Variants in SLAIN2 observed in about 807,000 individuals in gnomAD.
SLAIN2 encodes the protein SLAIN family member 2.
A neutral mutation model predicts 56.6 loss-of-function variants in SLAIN2; 31 were observed. The ratio of observed to expected loss-of-function variants is 0.55; its 90% CI spans 0.41 to 0.74. The LOEUF is 0.74. SLAIN2 is among the 30% of genes least tolerant of loss of function. The pLI, the probability that SLAIN2 is intolerant of heterozygous loss-of-function variation, is 0.00. For synonymous variants in SLAIN2, 317 were observed against 284.9 expected (o/e 1.11, Z -1.13); for missense variants, 777 against 754.2 (o/e 1.03, Z -0.35).
chr4:48,401,031 C>T (rs930212895), intron 6 of SLAIN2, among the ~76,000 whole-genome samples: 2 of 152,096 alleles, frequency 1.3e-5, no homozygotes, highest in Non-Finnish European at 2.9e-5. Flanking sequence ...TTGATTTTTG[C>T]CTTAATTTCA....
intron 1 of SLAIN2, among the ~76,000 whole-genome samples, chr4:48,362,848 AG>A (rs1715370607): frequency 9.6e-6 from 1 of 104,446 alleles, no homozygotes; most frequent in Non-Finnish European, 1.9e-5. Flanking sequence ...AGTGGAGGGA[AG>A]GTCAGCAGAT....
intron 1 of SLAIN2, among the ~76,000 whole-genome samples, chr4:48,362,526 C>T (rs1458471521): frequency 6.7e-6 from 1 of 149,036 alleles, no homozygotes; most frequent in East Asian, 2.0e-4. Flanking sequence ...TCAAGCGATT[C>T]TCCTGCCTCA....
chr4:48,387,933 T>C (rs1458155184), intron 6 of SLAIN2, among the ~76,000 whole-genome samples: 1 of 152,154 alleles, frequency 6.6e-6, no homozygotes, highest in African/African-American at 2.4e-5. Context: ...TTGTGTAAAC[T>C]TCAGTTGTTA....
At position 48,369,837 on chromosome 4, in the gene SLAIN2, G is replaced by T. The variant is rs1553902698; in HGVS notation, c.390-12G>T. 1.3e-6 allele frequency: 2 copies of T among 1,598,004 alleles called. No homozygotes were observed. The highest frequency in any genetic ancestry group is 1.8e-5 in the Admixed American group (1 of 56,996). On this transcript the variant is annotated splice_polypyrimidine_tract_variant and intron_variant, in intron 1 of 7. Coordinates refer to ENST00000264313, the MANE Select transcript of SLAIN2 (RefSeq NM_020846.2). ...AATAAGGAATTTTCTGTTTTTTGTT[G>T]TCTTCTTCTAGGCTGTATTCATCAC... is the stretch of plus-strand genomic sequence containing the variant.
chr4:48,373,203 T>G (rs1204300896), intron 2 of SLAIN2, among the ~76,000 whole-genome samples: 1 of 152,222 alleles, frequency 6.6e-6, no homozygotes, highest in Non-Finnish European at 1.5e-5. Context: ...CCTGTGGCAT[T>G]AAGTACATTC....
chr4:48,395,446 A>G (rs997879502), intron 6 of SLAIN2, among the ~76,000 whole-genome samples: 26 of 74,768 alleles, frequency 3.5e-4, no homozygotes, highest in South Asian at 1.5e-3. Context: ...ATTTTTTTTG[A>G]AAAAAAAAAG....
chr4:48,417,959 G>A (rs1717039624), intron 6 of SLAIN2, among the ~76,000 whole-genome samples: 1 of 152,136 alleles, frequency 6.6e-6, no homozygotes, highest in Non-Finnish European at 1.5e-5. Flanking sequence ...CCAGTTCTGT[G>A]ACCTTACTGA....
chr4:48,405,683 T>G (rs1318389122), intron 6 of SLAIN2, among the ~76,000 whole-genome samples: 1 of 152,108 alleles, frequency 6.6e-6, no homozygotes, highest in Non-Finnish European at 1.5e-5. Flanking sequence ...CTTTTCATGA[T>G]GTTAGCAGTC....
chr4:48,412,365 TACACACACACACACACAC>T lies in SLAIN2; in HGVS notation c.1361-7726_1361-7709del, dbSNP rs748099130. 1.7e-3 allele frequency among the ~76,000 whole-genome samples: 196 copies of T among 112,976 alleles called. 6 individuals carry two copies. Among genetic ancestry groups the T allele is most frequent in the Admixed American group, 6.2e-3 (66 of 10,664 alleles). The allele number at this position is 112,976 out of a possible 152,430, so 74.1% of individuals were successfully genotyped here. A position where few individuals can be genotyped will look rare whatever the true frequency, so the allele number is the denominator to read the frequency against. On this transcript the variant is annotated intron_variant, in intron 6 of 7. Coordinates refer to ENST00000264313, the MANE Select transcript of SLAIN2 (RefSeq NM_020846.2). ...TTCCTGTAATGTATGTTTGTATATG[TACACACACACACACACAC>T]ACACACACACACACACACACACACA...
At chr4:48,350,097 A>G (rs1185892477) in intron 1 of SLAIN2, among the ~76,000 whole-genome samples, 2 of 152,232 alleles carry the variant, frequency 1.3e-5, no homozygotes, top group African/African-American at 4.8e-5. Context: ...TATCAGATCT[A>G]CCTAAATAAA....
chr4:48,350,000 A>T (rs1214958994), intron 1 of SLAIN2, among the ~76,000 whole-genome samples: 5 of 152,248 alleles, frequency 3.3e-5, no homozygotes, highest in African/African-American at 7.2e-5. Context: ...AGCACCCAGG[A>T]CCGAAAGTGA....
chr4:48,374,732 G>C (rs1192500309), intron 2 of SLAIN2, among the ~76,000 whole-genome samples: 3 of 152,164 alleles, frequency 2.0e-5, no homozygotes, highest in Non-Finnish European at 4.4e-5. Flanking sequence ...GATAATGATA[G>C]CTAGGCCATG....
At chr4:48,368,660 T>C (rs1715589623) in intron 1 of SLAIN2, among the ~76,000 whole-genome samples, 1 of 152,194 alleles carries the variant, frequency 6.6e-6, no homozygotes, top group Non-Finnish European at 1.5e-5. Flanking sequence ...GTATTTAAAT[T>C]GGAAAGAGAA....
intron 6 of SLAIN2, among the ~76,000 whole-genome samples, chr4:48,401,474 A>G (rs1435837308): frequency 2.6e-5 from 4 of 152,180 alleles, no homozygotes; most frequent in African/African-American, 4.8e-5. Context: ...TGGGTTACAT[A>G]TATACTTAGG....
At chr4:48,419,127 G>T (rs1717078068) in intron 6 of SLAIN2, among the ~76,000 whole-genome samples, 1 of 149,054 alleles carries the variant, frequency 6.7e-6, no homozygotes, top group Non-Finnish European at 1.5e-5. Context: ...TTTTGAGACA[G>T]AGTCTCGCTC....
At chr4:48,412,727 TAAC>T (rs1467111647) in intron 6 of SLAIN2, among the ~76,000 whole-genome samples, 5 of 152,192 alleles carry the variant, frequency 3.3e-5, no homozygotes, top group African/African-American at 1.2e-4. Context: ...ATTTTTCTAA[TAAC>T]TAACAATTTT....
At chr4:48,361,562 G>T (rs528049076) in intron 1 of SLAIN2, among the ~76,000 whole-genome samples, 1 of 152,298 alleles carries the variant, frequency 6.6e-6, no homozygotes, top group Admixed American at 6.5e-5. Flanking sequence ...GAAAACACTG[G>T]CTGCAGTGTA....
rs1320690156 is a variant in SLAIN2, at chr4:48,363,514, C to T, written c.390-6335C>T. Among the ~76,000 whole-genome samples the T allele has an allele frequency of 1.7e-3, 117 of 68,650 alleles. 1 individual carries two copies. Among genetic ancestry groups the T allele is most frequent in the African/African-American group, 5.2e-3 (108 of 20,600 alleles). 45.0% of individuals were successfully genotyped at this position (68,650 alleles called of 152,430 possible). A position where few individuals can be genotyped will look rare whatever the true frequency, so the allele number is the denominator to read the frequency against. ...GGGGCTCCTCACTTCCCAGTAGGGG[C>T]GGCCGGGCAGAGGCGCCCCTCACCT... On this transcript the variant is annotated intron_variant, in intron 1 of 7. Coordinates refer to ENST00000264313, the MANE Select transcript of SLAIN2 (RefSeq NM_020846.2).
At chr4:48,343,246 C>G (rs908402390) in intron 1 of SLAIN2, among the ~76,000 whole-genome samples, 3 of 152,148 alleles carry the variant, frequency 2.0e-5, no homozygotes, top group Non-Finnish European at 4.4e-5. Context: ...GCAAGTTACT[C>G]TGAGGCTCAC....
Sources: gnomAD v4.1 joint callset for allele counts (sites outside exome capture counted in the v4.1 genomes callset) on GRCh38, gnomAD v4.1.1 for gene constraint, MANE v1.5 for transcripts, NCBI Gene and HGNC (gene_info 2026-07-23, HGNC 2026-07-21) for gene names.